Variants in TTC12 observed in about 807,000 individuals in gnomAD.
TTC12 encodes the protein tetratricopeptide repeat protein 12.
A neutral mutation model predicts 90.1 loss-of-function variants in TTC12; 70 were observed. That is an observed-to-expected ratio of 0.78 (90% CI 0.64 to 0.95). The LOEUF is 0.95. Ranked by LOEUF, TTC12 falls within the 40% of genes least tolerant of loss-of-function variation. The pLI is 0.00. For synonymous variants in TTC12, 296 were observed against 311.5 expected (o/e 0.95, Z 0.53); for missense variants, 819 against 846.1 (o/e 0.97, Z 0.40).
intron 7 of TTC12, among the ~76,000 whole-genome samples, chr11:113,334,610 T>C (rs1424320233): frequency 6.6e-6 from 1 of 151,652 alleles, no homozygotes; most frequent in Admixed American, 6.6e-5. Context: ...TATAATGTAA[T>C]TGACATGGGG....
intron 7 of TTC12, among the ~76,000 whole-genome samples, chr11:113,334,086 CT>C (rs1948213103): frequency 6.6e-6 from 1 of 152,194 alleles, no homozygotes; most frequent in African/African-American, 2.4e-5. Context: ...GCCACTTCTG[CT>C]GAGTAGCAGA....
intron 15 of TTC12, 116 bp from the exon 16 acceptor site, chr11:113,351,954 C>G (rs781839493): frequency 5.5e-5 from 67 of 1,222,364 alleles, no homozygotes; most frequent in Non-Finnish European, 5.3e-5. Flanking sequence ...CCCTGTGTGA[C>G]ATGAAGCTAT....
At chr11:113,352,378 C>T (rs1555150733) in intron 16 of TTC12, among the ~76,000 whole-genome samples, 171 bp downstream of exon 16, 1 of 152,058 alleles carries the variant, frequency 6.6e-6, no homozygotes, top group East Asian at 1.9e-4. Context: ...TTAAAGAGCC[C>T]TGCAGATCAA....
At chr11:113,367,921 G>A (rs995750652), downstream of TTC12, among the ~76,000 whole-genome samples, 1 of 152,220 alleles carries the variant, frequency 6.6e-6, no homozygotes, top group Non-Finnish European at 1.5e-5. Context: ...ATTGCAAAGG[G>A]AGAACGGCTC....
chr11:113,355,889 A>T (rs1291201903), intron 16 of TTC12, among the ~76,000 whole-genome samples: 1 of 152,218 alleles, frequency 6.6e-6, no homozygotes, highest in Non-Finnish European at 1.5e-5. Context: ...AGTATGCACT[A>T]TGTGGCGATG....
Position 113,339,422 on chromosome 11 carries a change from C to T in TTC12, c.774C>T (p.Ile258=). The T allele has an allele frequency of 6.2e-7, 1 of 1,613,690 alleles. No individual in the cohort carries two copies. Among genetic ancestry groups the T allele is most frequent in the Non-Finnish European group, 8.5e-7 (1 of 1,179,896 alleles). ...LLETLSKPDQ[I]PLFYAGGIEI... The stretch of plus-strand genomic sequence containing the variant: ...AGACCCTTTCCAAGCCTGACCAGAT[C>T]CCCTTGTTCTATGCTGGGGGGATTG... The change falls in exon 10 of 22, where the codon ATC becomes ATT. Residue 258 remains isoleucine (I), a synonymous_variant. Coordinates refer to ENST00000529221, the MANE Select transcript of TTC12 (RefSeq NM_017868.4).
chr11:113,335,856 G>T (rs868975006), intron 8 of TTC12, among the ~76,000 whole-genome samples: 1 of 151,994 alleles, frequency 6.6e-6, no homozygotes, highest in South Asian at 2.1e-4. Context: ...TCCACTTTTT[G>T]CCTGCTATGA....
At chr11:113,345,037 TTTG>T (rs1472841782) in intron 13 of TTC12, among the ~76,000 whole-genome samples, 4 of 152,332 alleles carry the variant, frequency 2.6e-5, no homozygotes, top group Admixed American at 1.3e-4. Context: ...CATTTATTTA[TTTG>T]TTATTTTGCT....
At chr11:113,364,626 G>A (rs781606780) in intron 20 of TTC12, 20 of 576,984 alleles carry the variant, frequency 3.5e-5, no homozygotes, top group East Asian at 8.9e-5. Flanking sequence ...TCTAGGAAGC[G>A]GAGATACTTC....
chr11:113,364,250 G>A (rs557280742), intron 20 of TTC12: 25 of 280,208 alleles, frequency 8.9e-5, no homozygotes, highest in Admixed American at 1.5e-4. Context: ...CACCGTCAAC[G>A]TTTAGTGAAC....
downstream of TTC12, among the ~76,000 whole-genome samples, chr11:113,369,866 T>C (rs1314403774): frequency 6.6e-6 from 1 of 152,210 alleles, no homozygotes; most frequent in South Asian, 2.1e-4. Context: ...ATGAGCCCAT[T>C]ATCTGCCCCC....
chr11:113,333,705 A>C (rs1948191275), intron 7 of TTC12, among the ~76,000 whole-genome samples: 3 of 152,200 alleles, frequency 2.0e-5, no homozygotes, highest in Non-Finnish European at 4.4e-5. Context: ...TTTGGGCTGA[A>C]CAATCATGCA....
In TTC12 at chr11:113,324,689, G is replaced by A; in HGVS notation, c.322+7G>A. On this transcript the variant is annotated splice_region_variant and intron_variant, in intron 5 of 21. Coordinates refer to ENST00000529221, the MANE Select transcript of TTC12 (RefSeq NM_017868.4). ...AACAAAGTCTTGGCGGATGGTAATT[G>A]TCAGTCCTTACTTTTCAATGGCTGG... 1.2e-6 allele frequency: 2 copies of A among 1,612,710 alleles called. No homozygotes were observed. The highest frequency in any genetic ancestry group is 1.7e-6 in the Non-Finnish European group (2 of 1,179,050).
intron 6 of TTC12, chr11:113,329,558 C>T (rs1272889353): frequency 2.1e-6 from 1 of 465,472 alleles, no homozygotes; most frequent in African/African-American, 2.0e-5. Context: ...GTGAAGGCCT[C>T]AGCTCATGTC....
intron 8 of TTC12, 65 bp from the exon 9 acceptor site, chr11:113,338,709 C>A: frequency 7.7e-7 from 1 of 1,293,724 alleles, no homozygotes; most frequent in Non-Finnish European, 1.1e-6. Flanking sequence ...CCAATGACAC[C>A]CAGTGTCTTT....
At chr11:113,339,957 C>A (rs987176816) in intron 10 of TTC12, among the ~76,000 whole-genome samples, 7 of 152,268 alleles carry the variant, frequency 4.6e-5, no homozygotes, top group South Asian at 4.1e-4. Context: ...GCATCCCATA[C>A]CACCTCGTAC....
chr11:113,351,423 A>C, intron 15 of TTC12, 124 bp downstream of exon 15: 1 of 823,840 alleles, frequency 1.2e-6, no homozygotes, highest in Non-Finnish European at 2.0e-6. Flanking sequence ...ATTTATTCAC[A>C]GCTGGAATTT....
In TTC12 at chr11:113,364,898, T is replaced by A. The variant is rs752554222; in HGVS notation, c.1880T>A (p.Leu627His). ...GAGGTTCTGGTGGGCAACGCTGCCC[T>A]CTGCCTTGGTAACTGCATGGAGGTG... ...EDEVLVGNAA[L>H]CLGNCMEVPN... is the part of the protein sequence containing the mutation. Residue 627 changes from leucine (L) to histidine (H), a missense_variant, in exon 21 of 22, where the codon CTC becomes CAC. Physicochemically the swap from Leu to His is moderately conservative, Grantham distance 99. Coordinates refer to ENST00000529221, the MANE Select transcript of TTC12 (RefSeq NM_017868.4). The A allele has an allele frequency of 4.3e-6, 7 of 1,614,214 alleles. No homozygotes were observed. In the South Asian group the frequency reaches 6.6e-5, roughly 15 times the overall value.
intron 16 of TTC12, among the ~76,000 whole-genome samples, chr11:113,357,068 T>A (rs12292113): frequency 0.25 from 37,289 of 152,108 alleles, 5,641 homozygotes; most frequent in East Asian, 0.49. Flanking sequence ...ACCGATTAGA[T>A]GTAGATTGGG....
Sources: allele counts gnomAD v4.1 joint callset (sites outside exome capture counted in the v4.1 genomes callset), GRCh38; gene constraint gnomAD v4.1.1; transcripts MANE v1.5; gene names NCBI Gene and HGNC (gene_info 2026-07-23, HGNC 2026-07-21).